Variants in ZC3H18 observed in about 807,000 individuals in gnomAD.
The protein encoded by ZC3H18 is zinc finger CCCH domain-containing protein 18.
ZC3H18 carries 8 observed loss-of-function variants against 106.1 expected under a neutral mutation model. The observed-to-expected ratio is 0.08, with a 90% CI of 0.04 to 0.14. The LOEUF is 0.14. Ranked by LOEUF, ZC3H18 falls within the 10% of genes least tolerant of loss-of-function variation. The probability of loss-of-function intolerance (pLI) is 1.00; values close to 1 mark genes in which losing one functional copy is unlikely to be tolerated. For missense variants in ZC3H18, 1,318 were observed against 1,278.4 expected (o/e 1.03, Z -0.47); for synonymous variants, 635 against 522.1 (o/e 1.22, Z -2.95).
chr16:88,616,936 A>C (rs947178312), intron 8 of ZC3H18, among the ~76,000 whole-genome samples: 1 of 152,138 alleles, frequency 6.6e-6, no homozygotes, highest in African/African-American at 2.4e-5. Flanking sequence ...GGCTCGTTAT[A>C]GCAGGCACTT....
chr16:88,588,389 C>A (rs1915558642), intron 3 of ZC3H18, among the ~76,000 whole-genome samples: 1 of 152,234 alleles, frequency 6.6e-6, no homozygotes, highest in African/African-American at 2.4e-5. Context: ...GAGGCTGCAG[C>A]ATCCACCAGG....
intron 3 of ZC3H18, among the ~76,000 whole-genome samples, chr16:88,591,739 C>G (rs1225888134): frequency 6.6e-6 from 1 of 152,254 alleles, no homozygotes; most frequent in African/African-American, 2.4e-5. Context: ...GCTTTCAGCT[C>G]TTTCGCATGT....
At chr16:88,605,758 C>T (rs1487811742) in intron 6 of ZC3H18, among the ~76,000 whole-genome samples, 1 of 152,236 alleles carries the variant, frequency 6.6e-6, no homozygotes, top group Non-Finnish European at 1.5e-5. Flanking sequence ...GATCTCGAAG[C>T]TCCAAACTTC....
Position 88,627,513 on chromosome 16 carries a change from G to T in ZC3H18, c.2109-109G>T, listed in dbSNP as rs1034279012. 42 of 1,434,506 alleles carry T rather than the reference G, an allele frequency of 2.9e-5. No individual in the cohort carries two copies. In the Admixed American group the frequency reaches 8.6e-4, roughly 30 times the overall value. The allele number at this position is 1,434,506 out of a possible 1,614,324, so 88.9% of individuals were successfully genotyped here. On this transcript the variant is annotated intron_variant, in intron 13 of 17. Transcript: ENST00000301011. This position sits in a 1 kb window ranked among gnomAD's most constrained non-coding sequence, Gnocchi z 4.5. ...CCCCCCAAAATCACACATTCCGTGG[G>T]TACATGATCCATAAATGGACACTGC...
intron 13 of ZC3H18, 188 bp downstream of exon 13, chr16:88,625,455 G>T: frequency 1.5e-6 from 1 of 665,068 alleles, no homozygotes; most frequent in East Asian, 2.8e-5. Flanking sequence ...CAGGACTCGT[G>T]ATAGGAAGAC....
At position 88,577,410 on chromosome 16, in the gene ZC3H18, C is replaced by G. The variant is rs779837325; in HGVS notation, c.287C>G (p.Pro96Arg). 7 of 1,601,528 alleles carry G rather than the reference C, an allele frequency of 4.4e-6. No homozygotes were observed. The highest frequency in any genetic ancestry group is 6.0e-6 in the Non-Finnish European group (7 of 1,172,510). Reference protein sequence around the residue: ...NELSRGPTSSPCEEEGDEGEE... With the variant: ...NELSRGPTSSRCEEEGDEGEE... ...CTGAGCCGGGGCCCGACCAGCTCCC[C>G]CTGCGAGGAGGAGGGGGACGAAGGG... Residue 96 changes from proline to arginine, a missense_variant, in exon 2 of 18, where the codon CCC (proline) becomes CGC (arginine). Physicochemically the swap from Pro to Arg is moderately radical, Grantham distance 103. Transcript: ENST00000301011.
At chr16:88,625,057 A>G in intron 12 of ZC3H18, 145 bp from the exon 13 acceptor site, 1 of 981,950 alleles carries the variant, frequency 1.0e-6, no homozygotes, top group Non-Finnish European at 1.5e-6. Context: ...CACTGAGCCT[A>G]AAGGAAGACA....
At chr16:88,613,601 G>A (rs1206433581) in intron 8 of ZC3H18, among the ~76,000 whole-genome samples, 1 of 152,144 alleles carries the variant, frequency 6.6e-6, no homozygotes, top group Non-Finnish European at 1.5e-5. Context: ...ATGATAATGA[G>A]AGCATCTTCT....
chr16:88,608,124 T>A (rs1235302056), intron 6 of ZC3H18, among the ~76,000 whole-genome samples: 1 of 152,184 alleles, frequency 6.6e-6, no homozygotes, highest in Non-Finnish European at 1.5e-5. Context: ...TCATGTATAG[T>A]ATCATATCAT....
chr16:88,622,437 C>G, intron 9 of ZC3H18, 49 bp downstream of exon 9: 2 of 1,525,780 alleles, frequency 1.3e-6, no homozygotes, highest in Non-Finnish European at 1.8e-6. Context: ...TTGGAGCCGT[C>G]AGCTGACACC....
At position 88,598,162 on chromosome 16, in the gene ZC3H18, A is replaced by G. The variant is rs777311881; in HGVS notation, c.689-16A>G. The stretch of plus-strand genomic sequence containing the variant: ...GCTCTTGTGGACCCTTTCTGATCTC[A>G]CTTTTGTTTCCATAGGGAACTGTAC... On this transcript the variant is annotated splice_polypyrimidine_tract_variant and intron_variant, in intron 3 of 17. Transcript: ENST00000301011. The G allele has an allele frequency of 6.4e-7, 1 of 1,562,932 alleles. No individual in the cohort carries two copies. Among genetic ancestry groups the G allele is most frequent in the South Asian group, 1.1e-5 (1 of 88,636 alleles).
chr16:88,603,164 A>G (rs11645495), intron 6 of ZC3H18, among the ~76,000 whole-genome samples: 50 of 151,748 alleles, frequency 3.3e-4, no homozygotes, highest in African/African-American at 1.2e-3. Context: ...ACAGGGTTTC[A>G]CCATGTTAGC....
chr16:88,623,374 C>CA, intron 10 of ZC3H18, 30 bp downstream of exon 10: 1 of 1,607,932 alleles, frequency 6.2e-7, no homozygotes, highest in South Asian at 1.1e-5. Flanking sequence ...GAAGGGCCCT[C>CA]AGCAGGTGCA....
At chr16:88,573,657 C>T (rs1464063645) in intron 1 of ZC3H18, among the ~76,000 whole-genome samples, 1 of 151,908 alleles carries the variant, frequency 6.6e-6, no homozygotes, top group Non-Finnish European at 1.5e-5. Context: ...AGTGATTCTC[C>T]CACCTCAACC....
chr16:88,608,241 G>A (rs1185524174), intron 6 of ZC3H18, among the ~76,000 whole-genome samples: 4 of 152,306 alleles, frequency 2.6e-5, no homozygotes, highest in East Asian at 3.9e-4. Flanking sequence ...AGGTGGTTGC[G>A]GAGACTCCTG....
intron 3 of ZC3H18, among the ~76,000 whole-genome samples, chr16:88,589,690 C>G (rs574411324): frequency 9.1e-4 from 138 of 152,242 alleles, no homozygotes; most frequent in African/African-American, 3.2e-3. Context: ...TAGATTGTGA[C>G]TCATGCCACA....
intron 3 of ZC3H18, among the ~76,000 whole-genome samples, chr16:88,595,757 G>C (rs1904400432): frequency 1.3e-5 from 2 of 150,202 alleles, no homozygotes; most frequent in Admixed American, 6.6e-5. Context: ...AATGAGCCTA[G>C]GTCGCTCCAC....
intron 6 of ZC3H18, among the ~76,000 whole-genome samples, chr16:88,605,778 C>A (rs941740596): frequency 4.6e-5 from 7 of 152,226 alleles, no homozygotes; most frequent in Non-Finnish European, 8.8e-5. Flanking sequence ...CTGTCTTACA[C>A]GTTCTCTAAT....
intron 2 of ZC3H18, among the ~76,000 whole-genome samples, chr16:88,580,194 GTGTGTGTGTGTGTGTATATGTA>G (rs1376397471): frequency 2.2e-4 from 19 of 86,372 alleles, no homozygotes; most frequent in East Asian, 1.1e-3. Context: ...GTGTGTGTGT[GTGTGTGTGTGTGTGTATATGTA>G]TATGTCTCTG....
Sources: allele counts gnomAD v4.1 joint callset (sites outside exome capture counted in the v4.1 genomes callset), GRCh38; gene constraint gnomAD v4.1.1; non-coding constraint Gnocchi (gnomAD v3.1); transcripts MANE v1.5; gene names NCBI Gene and HGNC (gene_info 2026-07-23, HGNC 2026-07-21).